The following MEIKIN variants were observed in gnomAD, a reference collection of about 807,000 sequenced individuals.
MEIKIN encodes the protein meiotic kinetochore factor.
intron 11 of MEIKIN, among the ~76,000 whole-genome samples, chr5:131,823,554 C>A (rs995111806): frequency 6.6e-6 from 1 of 151,900 alleles, no homozygotes; most frequent in Non-Finnish European, 1.5e-5. Context: ...ATTTGAATGC[C>A]TTTGTCTAAT....
chr5:131,923,516 C>A (rs1192354247), intron 5 of MEIKIN, among the ~76,000 whole-genome samples: 2 of 138,184 alleles, frequency 1.4e-5, no homozygotes, highest in Admixed American at 7.2e-5. Context: ...TCTTTATTTT[C>A]TCCTCTTTTT....
At chr5:131,874,660 C>T (rs182179838) in intron 9 of MEIKIN, among the ~76,000 whole-genome samples, 4 of 152,262 alleles carry the variant, frequency 2.6e-5, no homozygotes, top group African/African-American at 7.2e-5. Context: ...CCAGCATCAT[C>T]CTGATACCAA....
At chr5:131,809,401 T>A (rs1274313283) in intron 12 of MEIKIN, among the ~76,000 whole-genome samples, 1 of 152,220 alleles carries the variant, frequency 6.6e-6, no homozygotes, top group Non-Finnish European at 1.5e-5. Flanking sequence ...TGGTTCTGTG[T>A]CAAAGACTAT....
chr5:131,883,689 A>G (rs747367291), intron 8 of MEIKIN, among the ~76,000 whole-genome samples: 2 of 152,238 alleles, frequency 1.3e-5, no homozygotes, highest in East Asian at 1.9e-4. Context: ...AAGCACCTTC[A>G]TAAGAACCAA....
chr5:131,929,924 G>C (rs1296234502), intron 5 of MEIKIN, among the ~76,000 whole-genome samples: 4 of 152,146 alleles, frequency 2.6e-5, no homozygotes, highest in African/African-American at 4.8e-5. Context: ...TCTTTATCCA[G>C]TCTACCACTG....
At chr5:131,874,599 T>C (rs1039635698) in intron 9 of MEIKIN, among the ~76,000 whole-genome samples, 5 of 152,204 alleles carry the variant, frequency 3.3e-5, no homozygotes, top group Admixed American at 1.3e-4. Context: ...CTTCTGAAAC[T>C]ATTCCAATCA....
At chr5:131,938,219 T>G (rs1751814580) in intron 4 of MEIKIN, among the ~76,000 whole-genome samples, 1 of 142,464 alleles carries the variant, frequency 7.0e-6, no homozygotes, top group Admixed American at 7.6e-5. Flanking sequence ...TAGGCTAGAG[T>G]GCTATGGTAT....
At chr5:131,908,048 A>C (rs1751271983) in intron 8 of MEIKIN, among the ~76,000 whole-genome samples, 1 of 152,130 alleles carries the variant, frequency 6.6e-6, no homozygotes, top group Non-Finnish European at 1.5e-5. Flanking sequence ...TGTTCCAAAA[A>C]ATAGAGGATG....
At chr5:131,872,748 G>C (rs1190227431) in intron 9 of MEIKIN, among the ~76,000 whole-genome samples, 1 of 152,206 alleles carries the variant, frequency 6.6e-6, no homozygotes, top group East Asian at 1.9e-4. Context: ...CAGCCAGAGA[G>C]AAAGGTTGGG....
At chr5:131,941,303 C>G (rs980177353) in intron 4 of MEIKIN, among the ~76,000 whole-genome samples, 1 of 146,914 alleles carries the variant, frequency 6.8e-6, no homozygotes, top group Non-Finnish European at 1.5e-5. Context: ...GGATTACAGG[C>G]GCCTGCCACC....
chr5:131,917,063 G>C (rs527741560), intron 6 of MEIKIN, 138 bp from the exon 7 acceptor site: 2 of 370,860 alleles, frequency 5.4e-6, no homozygotes, highest in South Asian at 3.0e-4. Context: ...ACTTAAATTA[G>C]GTAAAAATAT....
chr5:131,936,125 C>T (rs1751772157), intron 4 of MEIKIN, among the ~76,000 whole-genome samples: 1 of 152,164 alleles, frequency 6.6e-6, no homozygotes, highest in African/African-American at 2.4e-5. Context: ...ATAAGGAAAG[C>T]CCACCATCTG....
chr5:131,807,365 T>C (rs763595071), intron 12 of MEIKIN, 107 bp from the exon 13 acceptor site: 1 of 395,894 alleles, frequency 2.5e-6, no homozygotes, highest in Non-Finnish European at 4.4e-6. Flanking sequence ...CAGGTCACTC[T>C]AGTTTCAGCC....
intron 8 of MEIKIN, among the ~76,000 whole-genome samples, chr5:131,897,953 G>A (rs556598545): frequency 9.9e-5 from 15 of 152,282 alleles, no homozygotes; most frequent in African/African-American, 3.6e-4. Context: ...TGCTGGCGAG[G>A]AGATGCGATC....
At chr5:131,818,105 C>T (rs1039928733) in intron 12 of MEIKIN, among the ~76,000 whole-genome samples, 4 of 152,096 alleles carry the variant, frequency 2.6e-5, no homozygotes, top group Non-Finnish European at 5.9e-5. Context: ...ATCTCAGAGT[C>T]TTAATATGTA....
intron 3 of MEIKIN, among the ~76,000 whole-genome samples, chr5:131,942,899 T>C (rs1751897594): frequency 6.6e-6 from 1 of 152,098 alleles, no homozygotes; most frequent in African/African-American, 2.4e-5. Context: ...AATATAATAC[T>C]ATGAACATAT....
intron 9 of MEIKIN, among the ~76,000 whole-genome samples, chr5:131,875,153 C>G (rs551118802): frequency 9.2e-5 from 14 of 152,142 alleles, no homozygotes; most frequent in East Asian, 7.7e-4. Flanking sequence ...GGGCAATCAG[C>G]CAGGAGAAGG....
chr5:131,822,813 C>T (rs963577655), intron 11 of MEIKIN, among the ~76,000 whole-genome samples: 2 of 152,172 alleles, frequency 1.3e-5, no homozygotes, highest in East Asian at 3.9e-4. Flanking sequence ...TTATTAACAT[C>T]CTTTTCTTTC....
chr5:131,905,774 T>C (rs1288526519), intron 8 of MEIKIN, among the ~76,000 whole-genome samples: 7 of 151,774 alleles, frequency 4.6e-5, no homozygotes, highest in South Asian at 2.1e-4. Flanking sequence ...AAACAAGCAA[T>C]GGGGAAAGGA....
Sources: gnomAD v4.1 joint callset for allele counts (sites outside exome capture counted in the v4.1 genomes callset) on GRCh38, gnomAD v4.1.1 for gene constraint, MANE v1.5 for transcripts, NCBI Gene and HGNC (gene_info 2026-07-23, HGNC 2026-07-21) for gene names.